Variants in GBF1 observed in about 807,000 individuals in gnomAD.
GBF1 encodes Golgi-specific brefeldin A-resistance guanine nucleotide exchange factor 1.
In GBF1, 114 loss-of-function variants were observed where a neutral mutation model predicts 210.5. The observed-to-expected ratio is 0.54, with a 90% CI of 0.47 to 0.63. The LOEUF (loss-of-function observed/expected upper bound fraction) is 0.63, where lower values mean the gene tolerates loss of function less well. GBF1 is among the 30% of genes least tolerant of loss of function. GBF1 has a pLI of 0.00. For synonymous variants in GBF1, 850 were observed against 889.2 expected (o/e 0.96, Z 0.78); for missense variants, 1,851 against 2,357.7 (o/e 0.79, Z 4.45).
intron 3 of GBF1, among the ~76,000 whole-genome samples, chr10:102,291,175 G>C (rs893932055): frequency 1.3e-5 from 2 of 150,874 alleles, no homozygotes; most frequent in East Asian, 1.9e-4. Context: ...TCACTGCTTT[G>C]TTTGTTTGTT....
intron 3 of GBF1, among the ~76,000 whole-genome samples, chr10:102,342,373 A>C (rs748487735): frequency 4.4e-4 from 67 of 150,874 alleles, no homozygotes; most frequent in Admixed American, 1.5e-3. Context: ...TATGTATTTC[A>C]GTTTTTCACA....
At chr10:102,321,346 A>T (rs1234534320) in intron 3 of GBF1, among the ~76,000 whole-genome samples, 1 of 151,266 alleles carries the variant, frequency 6.6e-6, no homozygotes, top group East Asian at 1.9e-4. Flanking sequence ...TAATAAGTGT[A>T]TTAATTTGCA....
upstream of GBF1, among the ~76,000 whole-genome samples, chr10:102,241,768 C>G (rs1399557955): frequency 6.6e-6 from 1 of 152,256 alleles, no homozygotes; most frequent in African/African-American, 2.4e-5. The surrounding 1 kb of genome is among the most constrained non-coding windows in gnomAD (Gnocchi z 6.7). Context: ...AGACCGCGCT[C>G]CGGCTAGGAC....
chr10:102,361,121 G>A lies in GBF1; in HGVS notation c.1491+1G>A. Reference sequence around the variant, plus strand: ...AGAGCACCTCAAGTTCCAAATGGAGGTGAGTTTCTTGATGTGGAAAGAAAA... The same window carrying A: ...AGAGCACCTCAAGTTCCAAATGGAGATGAGTTTCTTGATGTGGAAAGAAAA... On this transcript the variant is annotated splice_donor_variant, in intron 13 of 39. Transcript: ENST00000369983. LOFTEE classifies it high-confidence loss of function. The A allele has an allele frequency of 6.6e-7, 1 of 1,517,004 alleles. No individual in the cohort carries two copies. The highest frequency in any genetic ancestry group is 9.2e-7 in the Non-Finnish European group (1 of 1,091,118). The allele number at this position is 1,517,004 out of a possible 1,614,324, so 94.0% of individuals were successfully genotyped here. A position where few individuals can be genotyped will look rare whatever the true frequency, so the allele number is the denominator to read the frequency against.
chr10:102,293,392 T>C (rs1009531927), intron 3 of GBF1, among the ~76,000 whole-genome samples: 1 of 134,174 alleles, frequency 7.5e-6, no homozygotes, highest in Admixed American at 7.8e-5. Context: ...TAAATGACCA[T>C]TACTAGTTTA....
chr10:102,254,755 G>T (rs1190339628), intron 1 of GBF1, among the ~76,000 whole-genome samples: 1 of 151,692 alleles, frequency 6.6e-6, no homozygotes, highest in Admixed American at 6.6e-5. Context: ...TTTTTCATTT[G>T]TGTGGGTACA....
rs761159635 is a variant in GBF1 at position 102,356,766 on chromosome 10, CAAA to C, written c.640-1255_640-1253del. ...TGGGTGGCACAGTGAGACTCTGTCT[CAAA>C]AAAAAAAAAAAAAAAAATGGGGCCT... On this transcript the variant is annotated intron_variant, in intron 8 of 39. Coordinates refer to ENST00000369983, the MANE Select transcript of GBF1 (RefSeq NM_001377137.1). Among the ~76,000 whole-genome samples the C allele has an allele frequency of 1.6e-3, 133 of 84,554 alleles. 1 individual carries two copies. The East Asian group carries it at 0.033, about 21-fold the overall frequency. 55.5% of individuals were successfully genotyped at this position (84,554 alleles called of 152,430 possible).
intron 29 of GBF1, 121 bp downstream of exon 29, chr10:102,370,981 A>G (rs1257705787): frequency 1.1e-6 from 1 of 946,154 alleles, no homozygotes; most frequent in African/African-American, 1.6e-5. Context: ...GAGTCCAGTG[A>G]CCAACCACAG....
At position 102,363,132 on chromosome 10, in the gene GBF1, G is replaced by T; in HGVS notation, c.1877-124G>T. ...ACTTATTTTGGCTTGGGTTTGTCCT[G>T]CTCAGGGCTGGCGCCCTGTGCAGGA... On this transcript the variant is annotated intron_variant, in intron 15 of 39. Coordinates refer to ENST00000369983, the MANE Select transcript of GBF1 (RefSeq NM_001377137.1). This position sits in a 1 kb window ranked among gnomAD's most constrained non-coding sequence, Gnocchi z 4.2. 1 of 819,822 alleles carries T rather than the reference G, an allele frequency of 1.2e-6. No homozygotes were observed. Among genetic ancestry groups the T allele is most frequent in the Non-Finnish European group, 1.9e-6 (1 of 534,042 alleles). The allele number at this position is 819,822 out of a possible 1,614,324, so 50.8% of individuals were successfully genotyped here.
In GBF1 at chr10:102,363,881, A is replaced by C; in HGVS notation, c.2106+83A>C. ...GGGTTTCCATCTCAGAAGATGAAGG[A>C]GAGTCTAGCACCTCATTGTACAGCT... On this transcript the variant is annotated intron_variant, in intron 17 of 39. Transcript: ENST00000369983. This position sits in a 1 kb window ranked among gnomAD's most constrained non-coding sequence, Gnocchi z 4.2. The C allele has an allele frequency of 1.2e-6, 1 of 840,494 alleles. No homozygotes were observed. The highest frequency in any genetic ancestry group is 1.4e-5 in the South Asian group (1 of 70,056). The allele number at this position is 840,494 out of a possible 1,614,324, so 52.1% of individuals were successfully genotyped here. A position where few individuals can be genotyped will look rare whatever the true frequency, so the allele number is the denominator to read the frequency against.
chr10:102,321,975 C>T (rs533257695), intron 3 of GBF1, among the ~76,000 whole-genome samples: 1 of 152,184 alleles, frequency 6.6e-6, no homozygotes, highest in African/African-American at 2.4e-5. Context: ...CCTCCCAGCT[C>T]AGCCTCCAGA....
At position 102,368,255 on chromosome 10, in the gene GBF1, T is replaced by C. The variant is rs2060013964; in HGVS notation, c.2680T>C (p.Leu894=). 1 of 1,613,942 alleles carries C rather than the reference T, an allele frequency of 6.2e-7. No individual in the cohort carries two copies. Among genetic ancestry groups the C allele is most frequent in the African/African-American group, 1.3e-5 (1 of 74,942 alleles). Residue 894 remains leucine (L), a synonymous_variant, in exon 22 of 40, where the codon TTG becomes CTG. Transcript: ENST00000369983. Reference sequence around the variant, plus strand: ...TGTAATGCCTGAGGAGCAGACAGGCTTGGTTCGGGAGAACTATGTGTGGAA... The same window carrying C: ...TGTAATGCCTGAGGAGCAGACAGGCCTGGTTCGGGAGAACTATGTGTGGAA... The part of the protein sequence containing the change: ...EIVMPEEQTG[L]VRENYVWNVL...
chr10:102,364,217 CTTT>C (rs1031275118), intron 17 of GBF1, among the ~76,000 whole-genome samples: 3 of 66,940 alleles, frequency 4.5e-5, no homozygotes, highest in Non-Finnish European at 8.4e-5. Context: ...CTTTGGATTT[CTTT>C]TTTTTTTTTT....
the GBF1 span, chr10:102,232,036 G>A: frequency 6.2e-7 from 1 of 1,607,122 alleles, no homozygotes; most frequent in Middle Eastern, 1.7e-4. Flanking sequence ...ACAGCGACAG[G>A]GCAGGGCTCC....
At chr10:102,365,305 A>T (rs993573284) in intron 17 of GBF1, 92 bp from the exon 18 acceptor site, 2 of 904,090 alleles carry the variant, frequency 2.2e-6, no homozygotes, top group Admixed American at 4.1e-5. Flanking sequence ...TTTTTAGCTG[A>T]CCAACTGTGG....
chr10:102,381,003 A>G (rs1033022483), intron 38 of GBF1, 124 bp from the exon 39 acceptor site: 3 of 928,338 alleles, frequency 3.2e-6, no homozygotes, highest in Non-Finnish European at 5.0e-6. Flanking sequence ...TCAAAAAAAA[A>G]AAGTCCCCAA....
intron 3 of GBF1, among the ~76,000 whole-genome samples, chr10:102,318,149 G>A (rs2056011599): frequency 6.6e-6 from 1 of 151,948 alleles, no homozygotes. Context: ...GCCCGGCCTC[G>A]GCCTCCCAAA....
At chr10:102,319,789 T>C (rs2056230244) in intron 3 of GBF1, among the ~76,000 whole-genome samples, 2 of 150,634 alleles carry the variant, frequency 1.3e-5, no homozygotes, top group African/African-American at 4.9e-5. Flanking sequence ...AGTGCAGTGA[T>C]GTGATCTCGG....
intron 3 of GBF1, among the ~76,000 whole-genome samples, chr10:102,273,337 T>A (rs574865414): frequency 1.5e-4 from 23 of 151,910 alleles, no homozygotes; most frequent in Admixed American, 1.4e-3. Flanking sequence ...CTCAAAAAAA[T>A]AAATAAATAA....
Sources: gnomAD v4.1 joint callset for allele counts (sites outside exome capture counted in the v4.1 genomes callset) on GRCh38, gnomAD v4.1.1 for gene constraint, Gnocchi (gnomAD v3.1) non-coding constraint, MANE v1.5 for transcripts, NCBI Gene and HGNC (gene_info 2026-07-23, HGNC 2026-07-21) for gene names.